Variants in LRP1 observed in about 807,000 individuals in gnomAD.
LRP1 encodes the protein LDL receptor related protein 1.
A neutral mutation model predicts 541.5 loss-of-function variants in LRP1; 51 were observed. The observed-to-expected ratio is 0.09, with a 90% CI of 0.08 to 0.12. LRP1 has a LOEUF of 0.12. LRP1 is among the 10% of genes least tolerant of loss of function. The probability of loss-of-function intolerance (pLI) is 1.00; values close to 1 mark genes in which losing one functional copy is unlikely to be tolerated. For synonymous variants in LRP1, 2,219 were observed against 2,470.8 expected (o/e 0.90, Z 3.02); for missense variants, 3,878 against 6,376.2 (o/e 0.61, Z 13.34).
intron 50 of LRP1, 42 bp from the exon 51 acceptor site, chr12:57,194,943 C>A: frequency 6.6e-7 from 1 of 1,511,662 alleles, no homozygotes; most frequent in Non-Finnish European, 9.2e-7. Context: ...GGTGGGTGAC[C>A]CCCACCCTTC....
At position 57,154,291 on chromosome 12, in the gene LRP1, A is replaced by G. The variant is rs763238858; in HGVS notation, c.925A>G (p.Arg309Gly). The G allele has an allele frequency of 1.9e-6, 3 of 1,614,214 alleles. No homozygotes were observed. The highest frequency in any genetic ancestry group is 2.5e-6 in the Non-Finnish European group (3 of 1,180,018). ...CGATGATAGGATCTTTGTCTGCAAC[A>G]GAAATGGGGACACATGTGTCACATT... ...DIDDRIFVCN[R>G]NGDTCVTLLD... The change falls in exon 7 of 89, where the codon AGA becomes GGA. Residue 309 changes from arginine to glycine, a missense_variant. This residue lies in a region of LRP1 where 496 missense variants were observed against 861.0 expected (regional missense o/e 0.58). Coordinates refer to ENST00000243077, the MANE Select transcript of LRP1 (RefSeq NM_002332.3). The surrounding 1 kb of genome is among the most constrained non-coding windows in gnomAD (Gnocchi z 4.6).
At chr12:57,160,390 C>T (rs34394605) in intron 12 of LRP1, among the ~76,000 whole-genome samples, 59 of 152,210 alleles carry the variant, frequency 3.9e-4, no homozygotes, top group African/African-American at 1.1e-3. Context: ...ACAAGCACCC[C>T]GGCTCCTCCT....
At position 57,189,734 on chromosome 12, in the gene LRP1, G is replaced by A. The variant is rs765327681; in HGVS notation, c.7032-1071G>A. ...AGGCACTGGGGTGGGGGCGGGGGCA[G>A]GTCCTGTTAGGGAACTGGAGAACGG... On this transcript the variant is annotated intron_variant, in intron 42 of 88. Coordinates refer to ENST00000243077, the MANE Select transcript of LRP1 (RefSeq NM_002332.3). The surrounding 1 kb of genome is among the most constrained non-coding windows in gnomAD (Gnocchi z 4.4). Among the ~76,000 whole-genome samples the A allele has an allele frequency of 6.6e-6, 1 of 152,132 alleles. No homozygotes were observed. Among genetic ancestry groups the A allele is most frequent in the Non-Finnish European group, 1.5e-5 (1 of 68,030 alleles).
chr12:57,173,900 C>T lies in LRP1; in HGVS notation c.3467C>T (p.Thr1156Ile). 6 of 1,614,260 alleles carry T rather than the reference C, an allele frequency of 3.7e-6. No individual in the cohort carries two copies. The highest frequency in any genetic ancestry group is 5.1e-6 in the Non-Finnish European group (6 of 1,180,050). Residue 1156 changes from threonine (T) to isoleucine (I), a missense_variant, in exon 22 of 89, where the codon ACC becomes ATC. By Grantham distance (89) the Thr-to-Ile change is moderately conservative. Around this residue, in one of 13 missense-constraint regions of LRP1, gnomAD observed 320 missense variants for 547.9 expected, o/e 0.58. Transcript: ENST00000243077. The surrounding 1 kb of genome is among the most constrained non-coding windows in gnomAD (Gnocchi z 4.7). Reference sequence around the variant, plus strand: ...CCCTCGCACCCTTGTGCCAACAACACCTCAGTCTGCCTGCCCCCTGACAAG... The same window carrying T: ...CCCTCGCACCCTTGTGCCAACAACATCTCAGTCTGCCTGCCCCCTGACAAG... ...RPPSHPCANN[T>I]SVCLPPDKLC...
In LRP1 at chr12:57,201,959, G is replaced by A. The variant is rs2036666433; in HGVS notation, c.10594+54G>A. 1.2e-6 allele frequency: 2 copies of A among 1,603,652 alleles called. No individual in the cohort carries two copies. The highest frequency in any genetic ancestry group is 8.5e-7 in the Non-Finnish European group (1 of 1,172,632). ...GACAGTCTACCTGGGTGGGAGGCAT[G>A]GCACCCCTGGCAGGTGGAGGGCTGG... is the stretch of plus-strand genomic sequence containing the variant. On this transcript the variant is annotated intron_variant, in intron 67 of 88. Coordinates refer to ENST00000243077, the MANE Select transcript of LRP1 (RefSeq NM_002332.3). This position sits in a 1 kb window ranked among gnomAD's most constrained non-coding sequence, Gnocchi z 6.4.
Position 57,167,027 on chromosome 12 carries a change from T to C in LRP1, c.2895T>C (p.Ser965=), listed in dbSNP as rs771243910. Reference sequence around the variant, plus strand: ...TGGATGACGACTGTGGGGACCGCTCTGATGAGTCTGCTTCGTGTGGTAAGA... The same window carrying C: ...TGGATGACGACTGTGGGGACCGCTCCGATGAGTCTGCTTCGTGTGGTAAGA... ...CDLDDDCGDR[S]DESASCAYPT... Residue 965 remains serine (S), a synonymous_variant, in exon 18 of 89, where the codon TCT becomes TCC. Coordinates refer to ENST00000243077, the MANE Select transcript of LRP1 (RefSeq NM_002332.3). The C allele has an allele frequency of 1.9e-6, 3 of 1,614,004 alleles. No homozygotes were observed. Among genetic ancestry groups the C allele is most frequent in the Admixed American group, 1.7e-5 (1 of 60,030 alleles).
chr12:57,158,761 G>A lies in LRP1; in HGVS notation c.1798+123G>A. 2 of 859,954 alleles carry A rather than the reference G, an allele frequency of 2.3e-6. No individual in the cohort carries two copies. Among genetic ancestry groups the A allele is most frequent in the South Asian group, 3.1e-5 (2 of 64,618 alleles). The allele number at this position is 859,954 out of a possible 1,614,324, so 53.3% of individuals were successfully genotyped here. A position where few individuals can be genotyped will look rare whatever the true frequency, so the allele number is the denominator to read the frequency against. On this transcript the variant is annotated intron_variant, in intron 11 of 88. Transcript: ENST00000243077. The surrounding 1 kb of genome is among the most constrained non-coding windows in gnomAD (Gnocchi z 5.3). ...ACTGGCTGGCTGCACTGGTTGGCAT[G>A]GAGATGAGGGGATAGACAGATTGAC... is the stretch of plus-strand genomic sequence containing the variant.
chr12:57,208,182 G>A lies in LRP1; in HGVS notation c.12004G>A (p.Glu4002Lys), dbSNP rs969670124. 1.9e-6 allele frequency: 3 copies of A among 1,613,832 alleles called. No individual in the cohort carries two copies. The highest frequency in any genetic ancestry group is 1.7e-6 in the Non-Finnish European group (2 of 1,179,962). Residue 4002 changes from glutamate (E) to lysine (K), a missense_variant, in exon 77 of 89, where the codon GAG (glutamate) becomes AAG (lysine). Around this residue, in one of 13 missense-constraint regions of LRP1, gnomAD observed 871 missense variants for 1,212.4 expected, o/e 0.72. Transcript: ENST00000243077. ...GACGCTCATCTCGGGCATGATTGAC[G>A]AGCCCCACGCCATTGTGGTGGACCC... The part of the protein sequence containing the change: ...RKTLISGMID[E>K]PHAIVVDPLR...
intron 50 of LRP1, 73 bp from the exon 51 acceptor site, chr12:57,194,911 TC>T: frequency 7.7e-7 from 1 of 1,306,500 alleles, no homozygotes; most frequent in Non-Finnish European, 1.1e-6. Flanking sequence ...CTCCTGTCCT[TC>T]CCATGGCATC....
At position 57,154,153 on chromosome 12, in the gene LRP1, C is replaced by T; in HGVS notation, c.842-55C>T. On this transcript the variant is annotated intron_variant, in intron 6 of 88. Coordinates refer to ENST00000243077, the MANE Select transcript of LRP1 (RefSeq NM_002332.3). The surrounding 1 kb of genome is among the most constrained non-coding windows in gnomAD (Gnocchi z 4.6). Reference sequence around the variant, plus strand: ...TGGGTTCTCACCAGCAAAGGGTGGGCATCTCTGCAAGAGGGCCTACCCCAC... The same window carrying T: ...TGGGTTCTCACCAGCAAAGGGTGGGTATCTCTGCAAGAGGGCCTACCCCAC... 3 of 1,535,616 alleles carry T rather than the reference C, an allele frequency of 2.0e-6. No homozygotes were observed. The highest frequency in any genetic ancestry group is 2.7e-6 in the Non-Finnish European group (3 of 1,120,340).
At chr12:57,188,589 T>A (rs1469532910) in intron 42 of LRP1, among the ~76,000 whole-genome samples, 1 of 152,166 alleles carries the variant, frequency 6.6e-6, no homozygotes, top group African/African-American at 2.4e-5. Flanking sequence ...CTCATGAGTC[T>A]GGAGCTTCCC....
At chr12:57,150,604 G>A (rs2035508377) in intron 6 of LRP1, among the ~76,000 whole-genome samples, 1 of 152,232 alleles carries the variant, frequency 6.6e-6, no homozygotes. Context: ...CTAGAGTCAG[G>A]AGGCCACAGG....
chr12:57,200,826 G>GTCCCCCCC lies in LRP1; in HGVS notation c.10225+11_10225+12insTCCCCCCC. The GTCCCCCCC allele has an allele frequency of 3.2e-6, 5 of 1,581,436 alleles. No homozygotes were observed. Among genetic ancestry groups the GTCCCCCCC allele is most frequent in the Non-Finnish European group, 4.3e-6 (5 of 1,157,680 alleles). On this transcript the variant is annotated intron_variant, in intron 64 of 88. Transcript: ENST00000243077. ...ACGAGGCCAACTGTGGTAAGGCGCT[G>GTCCCCCCC]CCCGCCCACCCTCCCTCCTTCCCCA... is the stretch of plus-strand genomic sequence containing the variant.
chr12:57,204,559 C>A lies in LRP1; in HGVS notation c.11071+30C>A, dbSNP rs769314179. 70 of 1,607,372 alleles carry A rather than the reference C, an allele frequency of 4.4e-5. No individual in the cohort carries two copies. Among genetic ancestry groups the A allele is most frequent in the Non-Finnish European group, 5.7e-5 (67 of 1,175,130 alleles). ...GATTTGGGGCGGGGCTCCCAGGCTT[C>A]CCAGTGGCCAGCAACCACCCCCACT... On this transcript the variant is annotated intron_variant, in intron 71 of 88. Coordinates refer to ENST00000243077, the MANE Select transcript of LRP1 (RefSeq NM_002332.3). The surrounding 1 kb of genome is among the most constrained non-coding windows in gnomAD (Gnocchi z 5.3).
At position 57,212,041 on chromosome 12, in the gene LRP1, A is replaced by C. The variant is rs138034669; in HGVS notation, c.13349+24A>C. The C allele has an allele frequency of 1.1e-3, 1,743 of 1,613,782 alleles. 39 individuals are homozygous for C. The East Asian group carries it at 0.03, about 28-fold the overall frequency. On this transcript the variant is annotated intron_variant, in intron 87 of 88. Transcript: ENST00000243077. This position sits in a 1 kb window ranked among gnomAD's most constrained non-coding sequence, Gnocchi z 5.0. ...GGGTGAGTCACAGGGATTCTGGAAC[A>C]TTCTGGTCATTATTTTGCCATCCTA...
intron 1 of LRP1, among the ~76,000 whole-genome samples, chr12:57,133,100 T>C (rs894993999): frequency 7.2e-5 from 11 of 152,186 alleles, no homozygotes; most frequent in Non-Finnish European, 1.3e-4. Context: ...GTTAGACTTC[T>C]GGCAGAACTT....
At chr12:57,146,046 CAT>C (rs2035399986) in intron 6 of LRP1, among the ~76,000 whole-genome samples, 1 of 152,146 alleles carries the variant, frequency 6.6e-6, no homozygotes. Context: ...GCGTGAGCCA[CAT>C]GAGATTTTAG....
chr12:57,133,194 CTG>C (rs2035074744), intron 1 of LRP1, among the ~76,000 whole-genome samples: 2 of 151,498 alleles, frequency 1.3e-5, no homozygotes, highest in South Asian at 4.2e-4. Flanking sequence ...TGAGCATAAG[CTG>C]TGTGTGTGGC....
chr12:57,134,476 C>T (rs1373947842), intron 1 of LRP1, among the ~76,000 whole-genome samples: 2 of 152,170 alleles, frequency 1.3e-5, no homozygotes, highest in Admixed American at 1.3e-4. Flanking sequence ...TTTTGAGACA[C>T]AGTCTCACTC....
Sources: allele counts gnomAD v4.1 joint callset (sites outside exome capture counted in the v4.1 genomes callset), GRCh38; gene constraint gnomAD v4.1.1; regional missense constraint gnomAD v4.1.1; non-coding constraint Gnocchi (gnomAD v3.1); transcripts MANE v1.5; gene names NCBI Gene and HGNC (gene_info 2026-07-23, HGNC 2026-07-21).